The following LPCAT2 variants were observed in gnomAD, a reference collection of about 807,000 sequenced individuals.
The protein encoded by LPCAT2 is lysophosphatidylcholine acyltransferase 2, also known as 1-AGP acyltransferase 11.
Under a neutral mutation model 64.7 loss-of-function variants are expected in LPCAT2, and 58 were observed. The observed-to-expected ratio is 0.90, with a 90% CI of 0.73 to 1.12. The LOEUF (loss-of-function observed/expected upper bound fraction) is 1.12. Among genes scored for constraint, LPCAT2 ranks in the 50% most tolerant of loss-of-function variants. The pLI, the probability that LPCAT2 is intolerant of heterozygous loss-of-function variation, is 0.00. For synonymous variants in LPCAT2, 252 were observed against 245.3 expected (o/e 1.03, Z -0.26); for missense variants, 579 against 669.8 (o/e 0.86, Z 1.50).
chr16:55,544,290 G>T (rs1458554576), intron 8 of LPCAT2, among the ~76,000 whole-genome samples: 7 of 152,156 alleles, frequency 4.6e-5, no homozygotes, highest in Admixed American at 1.3e-4. Context: ...TTATCAAATG[G>T]AAGTGGTAAG....
chr16:55,519,127 A>G (rs1963055384), intron 1 of LPCAT2, among the ~76,000 whole-genome samples: 2 of 152,140 alleles, frequency 1.3e-5, no homozygotes, highest in South Asian at 2.1e-4. Context: ...TCTAATGAAA[A>G]TATTATTCAG....
At chr16:55,544,483 T>C (rs1246445561) in intron 8 of LPCAT2, among the ~76,000 whole-genome samples, 1 of 152,200 alleles carries the variant, frequency 6.6e-6, no homozygotes, top group Admixed American at 6.5e-5. Context: ...GTCATGTTTG[T>C]AGGGCTTAGT....
rs1464172037 is a variant in LPCAT2, at chr16:55,518,119, A to G, written c.172-7389A>G. Among the ~76,000 whole-genome samples the G allele has an allele frequency of 3.3e-5, 5 of 152,226 alleles. No individual in the cohort carries two copies. In the East Asian group the frequency reaches 7.7e-4, roughly 23 times the overall value. On this transcript the variant is annotated intron_variant, in intron 1 of 13. Transcript: ENST00000262134. ...AGGTGGCAGGATACAAGATCAATAT[A>G]CAAAAATCATGGCATATTTTTTCAC...
chr16:55,566,122 T>C (rs1502002), intron 11 of LPCAT2, among the ~76,000 whole-genome samples: 84,650 of 151,934 alleles, frequency 0.56, 23,942 homozygotes, highest in East Asian at 0.73. Context: ...GAATGTTACA[T>C]TTCAAAAAAG....
intron 11 of LPCAT2, among the ~76,000 whole-genome samples, chr16:55,563,380 GC>G: frequency 6.6e-6 from 1 of 151,780 alleles, no homozygotes; most frequent in Non-Finnish European, 1.5e-5. Context: ...ATTCCATGAG[GC>G]CAAAGTCAGA....
intron 11 of LPCAT2, among the ~76,000 whole-genome samples, chr16:55,570,230 A>G (rs1289906948): frequency 4.6e-5 from 7 of 152,200 alleles, no homozygotes; most frequent in African/African-American, 1.7e-4. Flanking sequence ...GAAACATTCA[A>G]AATTTTTATG....
intron 1 of LPCAT2, among the ~76,000 whole-genome samples, chr16:55,512,553 T>A (rs1172953568): frequency 6.6e-6 from 1 of 152,066 alleles, no homozygotes; most frequent in Non-Finnish European, 1.5e-5. Flanking sequence ...TCAAAGTGAC[T>A]AAAAATCGAA....
At chr16:55,514,198 A>G (rs538109894) in intron 1 of LPCAT2, among the ~76,000 whole-genome samples, 1 of 152,290 alleles carries the variant, frequency 6.6e-6, no homozygotes, top group Admixed American at 6.5e-5. Context: ...ACATATTCCT[A>G]GGAATCTAGA....
At chr16:55,577,521 G>A (rs1963840873) in intron 12 of LPCAT2, among the ~76,000 whole-genome samples, 1 of 152,074 alleles carries the variant, frequency 6.6e-6, no homozygotes, top group Non-Finnish European at 1.5e-5. Context: ...ACTGACAGTG[G>A]CACCTACCAT....
Position 55,584,637 on chromosome 16 carries a change from C to A in LPCAT2, c.*1539C>A, listed in dbSNP as rs1178671351. ...CGTGTTTCTGAATGTATTGGTGATTCACCCCCAAGCTAATTTTTTAAAGTC... is the reference window on the plus strand; with the variant it reads ...CGTGTTTCTGAATGTATTGGTGATTAACCCCCAAGCTAATTTTTTAAAGTC... On this transcript the variant is annotated 3_prime_UTR_variant, in exon 14 of 14. Transcript: ENST00000262134. 1 of 152,088 alleles carries A rather than the reference C, an allele frequency of 6.6e-6. No individual in the cohort carries two copies. Among genetic ancestry groups the A allele is most frequent in the African/African-American group, 2.4e-5 (1 of 41,426 alleles). The allele number at this position is 152,088 out of a possible 1,614,324, so 9.4% of individuals were successfully genotyped here.
In LPCAT2 at chr16:55,525,982, C is replaced by G. The variant is rs529574201; in HGVS notation, c.311+335C>G. 32 of 158,660 alleles carry G rather than the reference C, an allele frequency of 2.0e-4. 1 individual carries two copies. In the South Asian group the frequency reaches 6.0e-3, roughly 30 times the overall value. 9.8% of individuals were successfully genotyped at this position (158,660 alleles called of 1,614,324 possible). On this transcript the variant is annotated intron_variant, in intron 2 of 13. Coordinates refer to ENST00000262134, the MANE Select transcript of LPCAT2 (RefSeq NM_017839.5). The stretch of plus-strand genomic sequence containing the variant: ...GATACATCCCTAGTTCGGAAAGATA[C>G]CCAACTACTATACTTGAAACCACTG...
intron 2 of LPCAT2, among the ~76,000 whole-genome samples, chr16:55,527,479 C>CAAAAAA (rs202093136): frequency 1.7e-5 from 1 of 58,390 alleles, no homozygotes; most frequent in Non-Finnish European, 3.7e-5. Flanking sequence ...AACTCCATCT[C>CAAAAAA]AAAAAAAAAA....
rs1179376799 is a variant in LPCAT2 at position 55,581,468 on chromosome 16, T to TAAG, written c.1451-1444_1451-1442dup. On this transcript the variant is annotated intron_variant, in intron 13 of 13. Transcript: ENST00000262134. Reference sequence around the variant, plus strand: ...TTCAATCTGGTGACTTCCTCATCACTAAGACCTGTTTGTTTATTTGTTTTT... The same window carrying TAAG: ...TTCAATCTGGTGACTTCCTCATCACTAAGAAGACCTGTTTGTTTATTTGTTTTT... Among the ~76,000 whole-genome samples, 11 of 152,272 alleles carry TAAG rather than the reference T, an allele frequency of 7.2e-5. No homozygotes were observed. The East Asian group carries it at 1.4e-3, about 19-fold the overall frequency.
intron 1 of LPCAT2, among the ~76,000 whole-genome samples, chr16:55,523,223 G>A (rs1369264177): frequency 1.3e-5 from 2 of 151,634 alleles, no homozygotes; most frequent in Admixed American, 6.6e-5. Context: ...TGTTCATCAA[G>A]GAAATGTGGA....
intron 10 of LPCAT2, 147 bp from the exon 11 acceptor site, chr16:55,550,802 C>A: frequency 1.8e-6 from 1 of 569,574 alleles, no homozygotes; most frequent in Non-Finnish European, 2.9e-6. Flanking sequence ...TGAATATGTG[C>A]TTTTAAGTAC....
chr16:55,570,914 T>C (rs565490045), intron 11 of LPCAT2, among the ~76,000 whole-genome samples: 2 of 152,322 alleles, frequency 1.3e-5, no homozygotes, highest in Admixed American at 6.5e-5. Context: ...CCTTTGGATT[T>C]ATAGAGTATC....
At chr16:55,516,885 G>A (rs1423324722) in intron 1 of LPCAT2, among the ~76,000 whole-genome samples, 1 of 152,146 alleles carries the variant, frequency 6.6e-6, no homozygotes, top group East Asian at 1.9e-4. Flanking sequence ...ATGTTAGACA[G>A]TAAAACAATT....
intron 8 of LPCAT2, chr16:55,541,320 T>G (rs150526243): frequency 6.6e-6 from 1 of 152,198 alleles, no homozygotes; most frequent in East Asian, 1.9e-4. Context: ...AATTTCTGAT[T>G]TAGGGAAAGA....
chr16:55,556,847 T>C (rs1963582520), intron 11 of LPCAT2: 1 of 152,262 alleles, frequency 6.6e-6, no homozygotes, highest in Admixed American at 6.5e-5. Context: ...CTGTTAACTA[T>C]AGGAGGATTT....
Sources: allele counts gnomAD v4.1 joint callset (sites outside exome capture counted in the v4.1 genomes callset), GRCh38; gene constraint gnomAD v4.1.1; transcripts MANE v1.5; gene names NCBI Gene and HGNC (gene_info 2026-07-23, HGNC 2026-07-21).